The following DYRK1A variants were observed in gnomAD, a reference collection of about 807,000 sequenced individuals.
The protein encoded by DYRK1A is dual specificity tyrosine phosphorylation regulated kinase 1A.
DYRK1A carries 9 observed loss-of-function variants against 79.7 expected under a neutral mutation model. The observed-to-expected ratio is 0.11, with a 90% confidence interval of 0.07 to 0.20. The LOEUF (loss-of-function observed/expected upper bound fraction) is 0.20. Ranked by LOEUF, DYRK1A falls within the 10% of genes least tolerant of loss-of-function variation. The pLI is 1.00. For missense variants in DYRK1A, 622 were observed against 956.0 expected, an observed-to-expected ratio of 0.65 and a Z score of 4.61; for synonymous variants, 349 against 329.7, an observed-to-expected ratio of 1.06 and a Z score of -0.63.
chr21:37,433,860 C>A (rs1306384457), intron 2 of DYRK1A, among the ~76,000 whole-genome samples: 2 of 152,154 alleles, frequency 1.3e-5, no homozygotes, highest in Non-Finnish European at 2.9e-5. Context: ...TCTGTGGGAT[C>A]TTACGCATTA....
Position 37,476,822 on chromosome 21 carries a change from C to CT in DYRK1A, c.208-1386_208-1385insT, listed in dbSNP as rs1555978530. 2.8e-3 allele frequency among the ~76,000 whole-genome samples: 94 copies of CT among 33,300 alleles called. 4 individuals are homozygous for CT. In the South Asian group the frequency reaches 0.043, roughly 15 times the overall value. 21.8% of individuals were successfully genotyped at this position (33,300 alleles called of 152,430 possible). ...AATAGTATAATCACCAAGGGTTCCCCCCCCCCCCAACCTTATTTGGAATTA... is the reference window on the plus strand; with the variant it reads ...AATAGTATAATCACCAAGGGTTCCCCTCCCCCCCCAACCTTATTTGGAATTA... On this transcript the variant is annotated intron_variant, in intron 3 of 11. Coordinates refer to ENST00000647188, the MANE Select transcript of DYRK1A (RefSeq NM_001347721.2).
chr21:37,474,400 CTATCTT>C (rs1259544524), intron 3 of DYRK1A, among the ~76,000 whole-genome samples: 1 of 152,126 alleles, frequency 6.6e-6, no homozygotes, highest in Non-Finnish European at 1.5e-5. Context: ...TGTAAAAAGA[CTATCTT>C]TAAAGTAATA....
intron 9 of DYRK1A, among the ~76,000 whole-genome samples, chr21:37,498,357 T>G (rs532812518): frequency 6.6e-6 from 1 of 152,342 alleles, no homozygotes; most frequent in South Asian, 2.1e-4. Flanking sequence ...CTTGTGACCT[T>G]TTCTGTTATC....
intron 1 of DYRK1A, among the ~76,000 whole-genome samples, chr21:37,405,307 G>A (rs140446166): frequency 2.1e-4 from 32 of 152,244 alleles, no homozygotes; most frequent in African/African-American, 5.8e-4. Context: ...ATTATTGGAT[G>A]TTTTTGTTCT....
chr21:37,464,061 C>T (rs922409929), intron 2 of DYRK1A, among the ~76,000 whole-genome samples: 14 of 152,182 alleles, frequency 9.2e-5, no homozygotes, highest in African/African-American at 2.4e-5. Context: ...GTAAGAATAA[C>T]ATTCAGATCT....
chr21:37,452,190 A>G (rs1433313225), intron 2 of DYRK1A, among the ~76,000 whole-genome samples: 1 of 151,814 alleles, frequency 6.6e-6, no homozygotes, highest in Non-Finnish European at 1.5e-5. Flanking sequence ...AGTAGGGGGA[A>G]TACACTGAGG....
At chr21:37,473,626 G>A (rs993100018) in intron 3 of DYRK1A, among the ~76,000 whole-genome samples, 1 of 152,130 alleles carries the variant, frequency 6.6e-6, no homozygotes, top group African/African-American at 2.4e-5. Flanking sequence ...AATTTGGTTT[G>A]CCATTCTTTT....
At chr21:37,395,770 A>T (rs1036486835) in intron 1 of DYRK1A, among the ~76,000 whole-genome samples, 1 of 152,162 alleles carries the variant, frequency 6.6e-6, no homozygotes, top group Non-Finnish European at 1.5e-5. Context: ...AAAGAAAAAC[A>T]TTCTAGATGG....
rs776533857 is a variant in DYRK1A at position 37,506,112 on chromosome 21, G to T, written c.1533G>T (p.Gly511=). The T allele has an allele frequency of 4.3e-6, 7 of 1,611,700 alleles. No homozygotes were observed. The highest frequency in any genetic ancestry group is 5.1e-6 in the Non-Finnish European group (6 of 1,178,188). ...GTGATATTTCAGGTGGCTCATCGGG[G>T]ACAAGCAACAGTGGGAGAGCCCGGT... ...STSSSSGGSS[G]TSNSGRARSD... is the part of the protein sequence containing the mutation. The change falls in exon 11 of 12, where the codon GGG becomes GGT. Residue 511 remains glycine (G), a synonymous_variant. Transcript: ENST00000647188.
intron 2 of DYRK1A, among the ~76,000 whole-genome samples, chr21:37,462,336 A>AT (rs1485801429): frequency 1.3e-5 from 2 of 152,172 alleles, no homozygotes; most frequent in Non-Finnish European, 2.9e-5. Context: ...CTTGCAGACC[A>AT]TCTTGATCCT....
Position 37,420,342 on chromosome 21 carries a change from C to T in DYRK1A, c.-33C>T. On this transcript the variant is annotated 5_prime_UTR_variant, in exon 2 of 12. Coordinates refer to ENST00000647188, the MANE Select transcript of DYRK1A (RefSeq NM_001347721.2). ...GGACTCTTCCCTCCCTTCCCCCACC[C>T]CATCAGGATGATATGAGACTTGAAA... 2.5e-6 allele frequency: 4 copies of T among 1,609,642 alleles called. No individual in the cohort carries two copies. Among genetic ancestry groups the T allele is most frequent in the Middle Eastern group, 1.7e-4 (1 of 6,044 alleles).
chr21:37,454,994 G>A (rs9975083), intron 2 of DYRK1A, among the ~76,000 whole-genome samples: 3 of 149,598 alleles, frequency 2.0e-5, no homozygotes, highest in African/African-American at 7.4e-5. Flanking sequence ...AGTGATTGTA[G>A]AGATGGTTAT....
At chr21:37,413,495 A>C (rs181199403) in intron 1 of DYRK1A, among the ~76,000 whole-genome samples, 97 of 152,288 alleles carry the variant, frequency 6.4e-4, no homozygotes, top group African/African-American at 1.9e-3. Flanking sequence ...AGAGCAAGGC[A>C]GTTTTCCAGT....
chr21:37,370,664 T>C (rs993282239), intron 1 of DYRK1A, among the ~76,000 whole-genome samples: 2 of 152,238 alleles, frequency 1.3e-5, no homozygotes, highest in Admixed American at 1.3e-4. Context: ...AGAAAGTCTT[T>C]ATCAAGAATT....
intron 1 of DYRK1A, among the ~76,000 whole-genome samples, chr21:37,406,932 TTTTGA>T (rs1428597253): frequency 7.1e-6 from 1 of 141,216 alleles, no homozygotes; most frequent in Non-Finnish European, 1.5e-5. Flanking sequence ...TTTAAAATTC[TTTTGA>T]TTTTTTTTTT....
At chr21:37,428,122 TG>T (rs2148446362) in intron 2 of DYRK1A, among the ~76,000 whole-genome samples, 1 of 152,292 alleles carries the variant, frequency 6.6e-6, no homozygotes, top group South Asian at 2.1e-4. Flanking sequence ...GGGATGGAGC[TG>T]GGGAGCAAAT....
At chr21:37,403,078 T>G (rs1205688067) in intron 1 of DYRK1A, among the ~76,000 whole-genome samples, 1 of 152,182 alleles carries the variant, frequency 6.6e-6, no homozygotes, top group African/African-American at 2.4e-5. Flanking sequence ...ATTAGATAGT[T>G]TCTATTGATC....
chr21:37,410,065 T>C (rs1324060212), intron 1 of DYRK1A, among the ~76,000 whole-genome samples: 5 of 152,224 alleles, frequency 3.3e-5, no homozygotes, highest in Non-Finnish European at 7.3e-5. Flanking sequence ...GCTACAGATA[T>C]AAAAACTATT....
chr21:37,370,565 C>T (rs533384230), intron 1 of DYRK1A, among the ~76,000 whole-genome samples: 1 of 152,220 alleles, frequency 6.6e-6, no homozygotes, highest in South Asian at 2.1e-4. Flanking sequence ...TTTGAGAAGG[C>T]TTTCACGTTT....
Sources: gnomAD v4.1 joint callset for allele counts (sites outside exome capture counted in the v4.1 genomes callset) on GRCh38, gnomAD v4.1.1 for gene constraint, MANE v1.5 for transcripts, NCBI Gene and HGNC (gene_info 2026-07-23, HGNC 2026-07-21) for gene names.